GPAT3: variants seen among roughly 807,000 people sequenced by gnomAD.
GPAT3 encodes glycerol-3-phosphate acyltransferase 3, also known as 1-AGP acyltransferase 9.
In GPAT3, 53 loss-of-function variants were observed where a neutral mutation model predicts 58.8. The ratio of observed to expected loss-of-function variants is 0.90; its 90% CI spans 0.72 to 1.13. The LOEUF (loss-of-function observed/expected upper bound fraction) is 1.13, where lower values mean the gene tolerates loss of function less well. Among genes scored for constraint, GPAT3 ranks in the 50% most tolerant of loss-of-function variants. The pLI is 0.00. For missense variants in GPAT3, 511 were observed against 527.6 expected (o/e 0.97, Z 0.31); for synonymous variants, 197 against 187.4 (o/e 1.05, Z -0.42).
At chr4:83,601,437 A>G (rs1274760781) in intron 11 of GPAT3, among the ~76,000 whole-genome samples, 2 of 152,246 alleles carry the variant, frequency 1.3e-5, no homozygotes. Flanking sequence ...TAATTTCTAC[A>G]GTGAAAACTC....
intron 2 of GPAT3, among the ~76,000 whole-genome samples, chr4:83,573,899 A>AC (rs769167956): frequency 7.2e-5 from 11 of 152,198 alleles, no homozygotes; most frequent in Non-Finnish European, 1.5e-4. Flanking sequence ...CATTACCAGT[A>AC]CCCCAGAACA....
chr4:83,556,018 G>T (rs1476137289), intron 2 of GPAT3, among the ~76,000 whole-genome samples: 1 of 152,112 alleles, frequency 6.6e-6, no homozygotes, highest in Non-Finnish European at 1.5e-5. Context: ...CTAACAGTTT[G>T]TCCTTATCAA....
chr4:83,583,977 A>G (rs1172415049), intron 3 of GPAT3, among the ~76,000 whole-genome samples: 1 of 152,196 alleles, frequency 6.6e-6, no homozygotes. Flanking sequence ...TTCAAAAAAA[A>G]TAAACAACAA....
rs563309764 is a variant in GPAT3, at chr4:83,558,708, G to A, written c.208+14106G>A. 5.3e-5 allele frequency among the ~76,000 whole-genome samples: 8 copies of A among 152,318 alleles called. 1 individual carries two copies. The highest frequency in any genetic ancestry group is 4.1e-4 in the South Asian group (2 of 4,826). ...AACATAGAAATAAGGTTGTGGGAAA[G>A]CAAGATTGGGTTCTGGAGGCCCTAA... On this transcript the variant is annotated intron_variant, in intron 2 of 11. Transcript: ENST00000264409.
At chr4:83,599,968 C>T (rs1207361327) in intron 11 of GPAT3, among the ~76,000 whole-genome samples, 3 of 152,092 alleles carry the variant, frequency 2.0e-5, no homozygotes, top group Non-Finnish European at 4.4e-5. Flanking sequence ...TATAATAATA[C>T]ACTGACTAAT....
chr4:83,549,442 TGC>T (rs1363432244), intron 2 of GPAT3, among the ~76,000 whole-genome samples: 24 of 109,602 alleles, frequency 2.2e-4, no homozygotes, highest in Non-Finnish European at 4.1e-4. Flanking sequence ...TTTTTTATTT[TGC>T]GTGTGTGTGT....
chr4:83,596,233 C>G (rs17355349), intron 7 of GPAT3, among the ~76,000 whole-genome samples: 34,062 of 152,048 alleles, frequency 0.22, 4,693 homozygotes, highest in South Asian at 0.35. Flanking sequence ...GAGAAGAGCA[C>G]AAAGCTCATG....
At chr4:83,599,349 G>A (rs1726969789) in intron 11 of GPAT3, among the ~76,000 whole-genome samples, 1 of 152,150 alleles carries the variant, frequency 6.6e-6, no homozygotes, top group South Asian at 2.1e-4. Flanking sequence ...CTATGAGGAA[G>A]GAATTTTAAA....
At chr4:83,587,439 A>T (rs1464842597) in intron 4 of GPAT3, 110 bp downstream of exon 4, 25 of 1,014,298 alleles carry the variant, frequency 2.5e-5, no homozygotes, top group African/African-American at 6.6e-5. Context: ...TATTATTATT[A>T]TTTTTGAGAC....
intron 2 of GPAT3, among the ~76,000 whole-genome samples, chr4:83,581,248 G>T (rs1419640994): frequency 6.6e-6 from 1 of 150,836 alleles, no homozygotes; most frequent in Non-Finnish European, 1.5e-5. Flanking sequence ...GGAGAATTTT[G>T]TGTGTGTGTG....
intron 2 of GPAT3, among the ~76,000 whole-genome samples, chr4:83,567,737 G>A (rs1156414204): frequency 6.6e-6 from 1 of 152,066 alleles, no homozygotes; most frequent in African/African-American, 2.4e-5. Context: ...TTCAAGACCA[G>A]CCTGGGCAAC....
chr4:83,573,377 G>A (rs1166714297), intron 2 of GPAT3, among the ~76,000 whole-genome samples: 1 of 152,146 alleles, frequency 6.6e-6, no homozygotes, highest in African/African-American at 2.4e-5. Flanking sequence ...CACCTCAGGT[G>A]ATCTGCCCAC....
intron 1 of GPAT3, among the ~76,000 whole-genome samples, chr4:83,541,266 T>C (rs1179440197): frequency 6.6e-6 from 1 of 151,946 alleles, no homozygotes; most frequent in African/African-American, 2.4e-5. Flanking sequence ...AGGGTCTCCC[T>C]GTCACCTAGC....
At position 83,587,272 on chromosome 4, in the gene GPAT3, T is replaced by C. The variant is rs1051183849; in HGVS notation, c.497T>C (p.Ile166Thr). Residue 166 changes from isoleucine (I) to threonine (T), a missense_variant, in exon 4 of 12, where the codon ATT becomes ACT. By Grantham distance (89) the Ile-to-Thr change is moderately conservative. Coordinates refer to ENST00000264409, the MANE Select transcript of GPAT3 (RefSeq NM_032717.5). ...LLPLRVTLAF[I>T]GISLLVIGTT... ...TTTTTCAGGGTTACCTTGGCTTTCA[T>C]TGGGATCAGTTTGCTGGTTATAGGA... The C allele has an allele frequency of 7.4e-6, 12 of 1,613,914 alleles. No homozygotes were observed. The East Asian group carries it at 1.1e-4, about 15-fold the overall frequency.
chr4:83,558,168 C>G (rs925113050), intron 2 of GPAT3, among the ~76,000 whole-genome samples: 1 of 151,742 alleles, frequency 6.6e-6, no homozygotes, highest in African/African-American at 2.4e-5. Flanking sequence ...GAGCCAAGAT[C>G]ATACCACTGC....
chr4:83,592,224 T>A (rs1342735091), intron 6 of GPAT3, among the ~76,000 whole-genome samples: 1 of 152,178 alleles, frequency 6.6e-6, no homozygotes, highest in Admixed American at 6.5e-5. Context: ...TACTTTTAGA[T>A]CATGTATAAC....
At chr4:83,555,205 GGCATCTCT>G (rs1724904943) in intron 2 of GPAT3, among the ~76,000 whole-genome samples, 2 of 152,198 alleles carry the variant, frequency 1.3e-5, no homozygotes, top group South Asian at 4.1e-4. Flanking sequence ...TAAAACCTTT[GGCATCTCT>G]GCAGTGATAA....
intron 2 of GPAT3, among the ~76,000 whole-genome samples, chr4:83,579,540 C>G (rs1726029270): frequency 6.6e-6 from 1 of 152,004 alleles, no homozygotes; most frequent in Non-Finnish European, 1.5e-5. Flanking sequence ...GATCCGCTCA[C>G]CTTGACCTCC....
intron 2 of GPAT3, among the ~76,000 whole-genome samples, chr4:83,567,402 T>C (rs1003097006): frequency 6.6e-6 from 1 of 152,228 alleles, no homozygotes; most frequent in African/African-American, 2.4e-5. Flanking sequence ...TGAAGATAGA[T>C]TACCCCTCTT....
Sources: gnomAD v4.1 joint callset for allele counts (sites outside exome capture counted in the v4.1 genomes callset) on GRCh38, gnomAD v4.1.1 for gene constraint, MANE v1.5 for transcripts, NCBI Gene and HGNC (gene_info 2026-07-23, HGNC 2026-07-21) for gene names.